HOXC4: variants seen among roughly 807,000 people sequenced by gnomAD.
HOXC4 encodes homeobox protein Hox-C4.
A neutral mutation model predicts 25.5 loss-of-function variants in HOXC4; 15 were observed. That is an observed-to-expected ratio of 0.59 (90% CI 0.39 to 0.91). The LOEUF (loss-of-function observed/expected upper bound fraction) is 0.91, where lower values mean the gene tolerates loss of function less well. Among genes scored for constraint, HOXC4 ranks in the 40% least tolerant of loss-of-function variants. The pLI is 0.00. For missense variants in HOXC4, 342 were observed against 352.4 expected (o/e 0.97, Z 0.24); for synonymous variants, 165 against 148.0 (o/e 1.11, Z -0.83).
At chr12:54,018,274 G>GCCGGGATGCCCACTGGA (rs1940255179) in intron 1 of HOXC4, among the ~76,000 whole-genome samples, 1 of 152,186 alleles carries the variant, frequency 6.6e-6, no homozygotes, top group Non-Finnish European at 1.5e-5. Context: ...GGCCATCCCA[G>GCCGGGATGCCCACTGGA]CCGGGATGCC....
In HOXC4 at chr12:54,055,337, C is replaced by CTTGT. The variant is rs1937952848; in HGVS notation, c.*133_*136dup. ...AGGTTCTTTTCTCTCTTCCTCTCAC[C>CTTGT]TTGTCCCTTGTCAGTTCCAAACAGA... is the stretch of plus-strand genomic sequence containing the variant. On this transcript the variant is annotated 3_prime_UTR_variant, in exon 2 of 2. Transcript: ENST00000430889. 7.9e-6 allele frequency: 2 copies of CTTGT among 252,412 alleles called. No individual in the cohort carries two copies. Among genetic ancestry groups the CTTGT allele is most frequent in the African/African-American group, 4.8e-5 (2 of 42,046 alleles). The allele number at this position is 252,412 out of a possible 1,614,324, so 15.6% of individuals were successfully genotyped here.
At chr12:54,018,609 G>C (rs976490212) in intron 1 of HOXC4, among the ~76,000 whole-genome samples, 16 of 152,196 alleles carry the variant, frequency 1.1e-4, no homozygotes, top group Admixed American at 9.8e-4. Context: ...AATGTACGTG[G>C]CCCTGAATGT....
chr12:54,039,231 C>T (rs1380138618), intron 1 of HOXC4, among the ~76,000 whole-genome samples: 1 of 152,082 alleles, frequency 6.6e-6, no homozygotes, highest in South Asian at 2.1e-4. Flanking sequence ...TGGGGAGCAG[C>T]GGTGTCTGGG....
intron 1 of HOXC4, among the ~76,000 whole-genome samples, chr12:54,044,228 G>A (rs1473597293): frequency 1.3e-5 from 2 of 152,056 alleles, no homozygotes; most frequent in African/African-American, 4.8e-5. Flanking sequence ...CCCACCTGAG[G>A]CCCCTCCTTT....
At chr12:54,039,508 A>G (rs374788926) in intron 1 of HOXC4, among the ~76,000 whole-genome samples, 19 of 152,074 alleles carry the variant, frequency 1.2e-4, no homozygotes, top group East Asian at 5.8e-4. Context: ...GCCAAGATTC[A>G]GCCTCCCCCA....
intron 1 of HOXC4, chr12:54,034,582 CG>C (rs1483709220): frequency 1.2e-5 from 13 of 1,126,754 alleles, no homozygotes; most frequent in African/African-American, 1.6e-5. Context: ...TATTTCGGGT[CG>C]GGGGCAGGTG....
At chr12:54,034,321 G>C in intron 1 of HOXC4, 1 of 1,614,194 alleles carries the variant, frequency 6.2e-7, no homozygotes, top group Non-Finnish European at 8.5e-7. Context: ...CGCGCTACCA[G>C]ACTCTGGAAC....
chr12:54,045,745 G>T (rs903060898), intron 1 of HOXC4, among the ~76,000 whole-genome samples: 1 of 152,186 alleles, frequency 6.6e-6, no homozygotes, highest in African/African-American at 2.4e-5. Flanking sequence ...TTAGGTGAGT[G>T]GGGGTAGGGA....
At chr12:54,035,471 T>C (rs1200607430) in intron 1 of HOXC4, 2 of 152,354 alleles carry the variant, frequency 1.3e-5, no homozygotes, top group Non-Finnish European at 1.5e-5. Context: ...TTAAAAAATT[T>C]TCTAGCTTCT....
chr12:54,021,510 A>G (rs1385375813), intron 1 of HOXC4: 4 of 152,194 alleles, frequency 2.6e-5, no homozygotes, highest in Non-Finnish European at 5.9e-5. Flanking sequence ...GGAAATATCA[A>G]TGTCAGTGGA....
At chr12:54,027,103 C>T (rs1222784165) in intron 1 of HOXC4, among the ~76,000 whole-genome samples, 1 of 152,268 alleles carries the variant, frequency 6.6e-6, no homozygotes, top group Non-Finnish European at 1.5e-5. Context: ...CATCTGCACA[C>T]TTTCCGCTGT....
intron 1 of HOXC4, among the ~76,000 whole-genome samples, chr12:54,022,773 C>T (rs1418354941): frequency 6.6e-6 from 1 of 152,148 alleles, no homozygotes; most frequent in African/African-American, 2.4e-5. Context: ...TTTACAATTT[C>T]TATATGACAA....
rs957195096 is a variant in HOXC4, at chr12:54,054,171, G to A, written c.249G>A (p.Pro83=). Residue 83 remains proline (P), a synonymous_variant, in exon 1 of 2, where the codon CCG becomes CCA. Coordinates refer to ENST00000430889, the MANE Select transcript of HOXC4 (RefSeq NM_153633.3). Reference sequence around the variant, plus strand: ...CCGGCAATTCGCGAGGCCACGGGCCGGCCCAGGCGGGCCACCACCACCCCG... The same window carrying A: ...CCGGCAATTCGCGAGGCCACGGGCCAGCCCAGGCGGGCCACCACCACCCCG... ...QGPGNSRGHG[P]AQAGHHHPEK... The A allele has an allele frequency of 1.4e-5, 22 of 1,613,428 alleles. No individual in the cohort carries two copies. Among genetic ancestry groups the A allele is most frequent in the Admixed American group, 3.3e-5 (2 of 59,974 alleles).
At chr12:54,022,455 A>G (rs1419248395) in intron 1 of HOXC4, 3 of 152,190 alleles carry the variant, frequency 2.0e-5, no homozygotes, top group Non-Finnish European at 4.4e-5. Context: ...TAAATTTAAA[A>G]GAGTATCATT....
At chr12:54,027,509 A>G (rs967627685) in intron 1 of HOXC4, among the ~76,000 whole-genome samples, 1 of 152,206 alleles carries the variant, frequency 6.6e-6, no homozygotes, top group Non-Finnish European at 1.5e-5. Context: ...TCTCACCAAC[A>G]TAAACAGGAG....
rs781346002 is a variant in HOXC4 at position 54,055,090 on chromosome 12, C to T, written c.680C>T (p.Pro227Leu). Residue 227 changes from proline to leucine, a missense_variant, in exon 2 of 2, where the codon CCG (proline) becomes CTG (leucine). Physicochemically the swap from Pro to Leu is moderately conservative, Grantham distance 98. Transcript: ENST00000430889. The stretch of plus-strand genomic sequence containing the variant: ...AACACCAAAGTCAGGTCAGCACCCC[C>T]GGCCGGCGCTGCGCCCAGCACCCTT... ...LPNTKVRSAP[P>L]AGAAPSTLSA... 8 of 1,613,254 alleles carry T rather than the reference C, an allele frequency of 5.0e-6. No individual in the cohort carries two copies. The African/African-American group carries it at 8.0e-5, about 16-fold the overall frequency.
chr12:54,021,768 A>ACGG (rs1940454824), intron 1 of HOXC4: 1 of 152,278 alleles, frequency 6.6e-6, no homozygotes, highest in Non-Finnish European at 1.5e-5. Flanking sequence ...GGCCTCTGCC[A>ACGG]CGGCGCCGCA....
chr12:54,017,125 C>G (rs1317885922), exon 1 of HOXC4: 1 of 152,146 alleles, frequency 6.6e-6, no homozygotes, highest in African/African-American at 2.4e-5. Context: ...CCTCTGGCCC[C>G]CAAGGGGCAG....
At chr12:54,031,389 G>A (rs1260562167) in intron 1 of HOXC4, among the ~76,000 whole-genome samples, 3 of 152,186 alleles carry the variant, frequency 2.0e-5, no homozygotes, top group Admixed American at 2.0e-4. Flanking sequence ...AGGACATCTC[G>A]AGAGAGAAAG....
Sources: allele counts gnomAD v4.1 joint callset (sites outside exome capture counted in the v4.1 genomes callset), GRCh38; gene constraint gnomAD v4.1.1; transcripts MANE v1.5; gene names NCBI Gene and HGNC (gene_info 2026-07-23, HGNC 2026-07-21).